DNAJC13: variants seen among roughly 807,000 people sequenced by gnomAD.
DNAJC13 encodes the protein DnaJ heat shock protein family (Hsp40) member C13, also known as dnaJ homolog subfamily C member 13.
In DNAJC13, 75 loss-of-function variants were observed where a neutral mutation model predicts 290.5. The observed-to-expected ratio is 0.26, with a 90% CI of 0.21 to 0.31. The LOEUF (loss-of-function observed/expected upper bound fraction) is 0.31. Ranked by LOEUF, DNAJC13 falls within the 10% of genes least tolerant of loss-of-function variation. The probability of loss-of-function intolerance (pLI) is 1.00; values close to 1 mark genes in which losing one functional copy is unlikely to be tolerated. For missense variants in DNAJC13, 2,260 were observed against 2,674.5 expected (o/e 0.85, Z 3.42); for synonymous variants, 862 against 892.0 (o/e 0.97, Z 0.60).
intron 29 of DNAJC13, 30 bp from the exon 30 acceptor site, chr3:132,488,268 C>T: frequency 6.5e-7 from 1 of 1,549,374 alleles, no homozygotes; most frequent in Non-Finnish European, 8.7e-7. Context: ...TTTTTTACAA[C>T]CCAATAAAAA....
chr3:132,459,179 A>C (rs1933713110), intron 13 of DNAJC13, among the ~76,000 whole-genome samples: 1 of 152,210 alleles, frequency 6.6e-6, no homozygotes, highest in African/African-American at 2.4e-5. Context: ...ATGGCAGAGG[A>C]GGCTTCAAGC....
chr3:132,456,505 C>G lies in DNAJC13; in HGVS notation c.1104C>G (p.Gly368=), dbSNP rs1933602945. 3 of 1,613,550 alleles carry G rather than the reference C, an allele frequency of 1.9e-6. No individual in the cohort carries two copies. Among genetic ancestry groups the G allele is most frequent in the Admixed American group, 3.3e-5 (2 of 59,928 alleles). The change falls in exon 11 of 56, where the codon GGC becomes GGG. Residue 368 remains glycine (G), a synonymous_variant. Transcript: ENST00000260818. ...AACCTCTTAATCTCTTTACAGATGGCAACTTTGCAGATGCTGTATTCAGGT... is the reference window on the plus strand; with the variant it reads ...AACCTCTTAATCTCTTTACAGATGGGAACTTTGCAGATGCTGTATTCAGGT... The part of the protein sequence containing the change: ...HLRFLATPPN[G]NFADAVFRFN...
intron 55 of DNAJC13, among the ~76,000 whole-genome samples, 171 bp downstream of exon 55, chr3:132,531,268 G>C (rs192784257): frequency 2.0e-4 from 30 of 152,276 alleles, no homozygotes; most frequent in Admixed American, 4.6e-4. Flanking sequence ...GCTTTATATA[G>C]CATGCAAACT....
chr3:132,514,245 T>G (rs1001477702), intron 45 of DNAJC13, among the ~76,000 whole-genome samples: 4 of 152,136 alleles, frequency 2.6e-5, no homozygotes, highest in Non-Finnish European at 5.9e-5. Flanking sequence ...TTTGCTTTTT[T>G]CCTCTAAAAG....
intron 39 of DNAJC13, 87 bp from the exon 40 acceptor site, chr3:132,502,202 C>T: frequency 8.3e-7 from 1 of 1,204,026 alleles, no homozygotes; most frequent in Non-Finnish European, 1.1e-6. Flanking sequence ...GTTGGCTTGA[C>T]ATACATGCAC....
intron 54 of DNAJC13, among the ~76,000 whole-genome samples, chr3:132,530,490 C>T (rs1003705114): frequency 1.3e-5 from 2 of 152,182 alleles, no homozygotes; most frequent in African/African-American, 2.4e-5. Context: ...CATTTTACTT[C>T]TGATACTCTG....
intron 1 of DNAJC13, 21 bp from the exon 2 acceptor site, chr3:132,434,517 C>T (rs1939328457): frequency 6.5e-7 from 1 of 1,548,992 alleles, no homozygotes; most frequent in Non-Finnish European, 8.9e-7. Flanking sequence ...TACTAAGTGC[C>T]CTCATATTTT....
chr3:132,469,707 G>A (rs1934120058), intron 20 of DNAJC13, among the ~76,000 whole-genome samples: 1 of 151,992 alleles, frequency 6.6e-6, no homozygotes, highest in South Asian at 2.1e-4. Context: ...TTTCATGATA[G>A]TGCACAGAAT....
chr3:132,477,704 C>G, intron 22 of DNAJC13, 85 bp from the exon 23 acceptor site: 2 of 937,858 alleles, frequency 2.1e-6, no homozygotes. Flanking sequence ...AAGTTTTGAA[C>G]AGAAAGAACT....
At chr3:132,510,866 T>C (rs1012679162) in intron 43 of DNAJC13, among the ~76,000 whole-genome samples, 2 of 152,056 alleles carry the variant, frequency 1.3e-5, no homozygotes, top group African/African-American at 2.4e-5. Context: ...CTAATGGGAG[T>C]ATATCAGATC....
chr3:132,493,112 GATT>G (rs1250456094), intron 33 of DNAJC13, among the ~76,000 whole-genome samples: 2 of 151,988 alleles, frequency 1.3e-5, no homozygotes, highest in Non-Finnish European at 2.9e-5. Context: ...TGTTTATGAA[GATT>G]ATTAAGAATT....
chr3:132,480,991 T>C (rs1196166870), intron 26 of DNAJC13, among the ~76,000 whole-genome samples: 1 of 152,246 alleles, frequency 6.6e-6, no homozygotes, highest in Admixed American at 6.5e-5. Flanking sequence ...GTATATGATG[T>C]ATTCTGTTAT....
chr3:132,435,656 A>G (rs775321233), intron 2 of DNAJC13, among the ~76,000 whole-genome samples: 18 of 152,138 alleles, frequency 1.2e-4, no homozygotes, highest in Admixed American at 2.6e-4. Context: ...GTTAGTTTCA[A>G]TGAGTGAAGT....
chr3:132,418,551 C>A (rs957536964), intron 1 of DNAJC13, among the ~76,000 whole-genome samples: 1 of 152,128 alleles, frequency 6.6e-6, no homozygotes, highest in Admixed American at 6.5e-5. Context: ...AAGATTTCAC[C>A]CTAATGTGGC....
At chr3:132,436,577 CTG>C (rs1005449200) in intron 2 of DNAJC13, among the ~76,000 whole-genome samples, 10 of 152,166 alleles carry the variant, frequency 6.6e-5, no homozygotes, top group African/African-American at 2.2e-4. Context: ...TGTGGTAACT[CTG>C]TTTAACTTTT....
rs1215825208 is a variant in DNAJC13 at position 132,466,303 on chromosome 3, C to T, written c.1973C>T (p.Pro658Leu). ...ATNLLKRILP[P>L]GLLAYLESSD... The stretch of plus-strand genomic sequence containing the variant: ...AAATGGATTTTGTGTTTTTAGCCGC[C>T]AGGCTTGCTGGCATACTTGGAAAGC... Residue 658 changes from proline to leucine, a missense_variant, in exon 19 of 56, where the codon CCA becomes CTA. Physicochemically the swap from Pro to Leu is moderately conservative, Grantham distance 98 (BLOSUM62 -3). Transcript: ENST00000260818. The T allele has an allele frequency of 6.3e-7, 1 of 1,583,152 alleles. No homozygotes were observed. The highest frequency in any genetic ancestry group is 8.5e-7 in the Non-Finnish European group (1 of 1,170,430).
Position 132,514,554 on chromosome 3 carries a change from T to C in DNAJC13, c.5386-17T>C. On this transcript the variant is annotated splice_polypyrimidine_tract_variant and intron_variant, in intron 45 of 55. Coordinates refer to ENST00000260818, the MANE Select transcript of DNAJC13 (RefSeq NM_015268.4). ...ATTATTTCTGAAACTTTTACTATCCTGTTGATTAATTTTCAGGTTGTGAAT... is the reference window on the plus strand; with the variant it reads ...ATTATTTCTGAAACTTTTACTATCCCGTTGATTAATTTTCAGGTTGTGAAT... The C allele has an allele frequency of 6.4e-7, 1 of 1,571,598 alleles. No homozygotes were observed. Among genetic ancestry groups the C allele is most frequent in the South Asian group, 1.1e-5 (1 of 87,542 alleles).
chr3:132,498,920 G>A lies in DNAJC13; in HGVS notation c.4157-206G>A, dbSNP rs1398818623. On this transcript the variant is annotated intron_variant, in intron 36 of 55. Transcript: ENST00000260818. The stretch of plus-strand genomic sequence containing the variant: ...TTTAGTAGAGAAAGGGTTTCACTGT[G>A]TTAGCCAGGATGGTCTCAATCTCCT... Among the ~76,000 whole-genome samples the A allele has an allele frequency of 2.0e-5, 3 of 151,976 alleles. No individual in the cohort carries two copies. In the East Asian group the frequency reaches 5.8e-4, roughly 29 times the overall value.
At chr3:132,434,508 A>C in intron 1 of DNAJC13, 30 bp from the exon 2 acceptor site, 1 of 1,497,564 alleles carries the variant, frequency 6.7e-7, no homozygotes, top group Admixed American at 1.8e-5. Flanking sequence ...TATAACATGT[A>C]CTAAGTGCCC....
Sources: allele counts gnomAD v4.1 joint callset (sites outside exome capture counted in the v4.1 genomes callset), GRCh38; gene constraint gnomAD v4.1.1; transcripts MANE v1.5; gene names NCBI Gene and HGNC (gene_info 2026-07-23, HGNC 2026-07-21).